Variants in SDK1 observed in about 807,000 individuals in gnomAD.
The protein encoded by SDK1 is protein sidekick-1.
SDK1 carries 157 observed loss-of-function variants against 245.5 expected under a neutral mutation model. The ratio of observed to expected loss-of-function variants is 0.64; its 90% CI spans 0.56 to 0.73. The LOEUF is 0.73. Among genes scored for constraint, SDK1 ranks in the 30% least tolerant of loss-of-function variants. The pLI is 0.00. For missense variants in SDK1, 3,583 were observed against 3,002.3 expected (o/e 1.19, Z -4.52); for synonymous variants, 1,647 against 1,278.5 (o/e 1.29, Z -6.15).
At chr7:3,876,480 C>A (rs1248333790) in intron 5 of SDK1, among the ~76,000 whole-genome samples, 1 of 152,104 alleles carries the variant, frequency 6.6e-6, no homozygotes, top group South Asian at 2.1e-4. Flanking sequence ...TGTCCTCATT[C>A]TCCTAAAATG....
At chr7:3,924,615 G>A (rs1050584473) in intron 5 of SDK1, among the ~76,000 whole-genome samples, 6 of 152,122 alleles carry the variant, frequency 3.9e-5, no homozygotes, top group African/African-American at 9.7e-5. Context: ...GGGACATTTC[G>A]CCAGCTTCCC....
intron 14 of SDK1, among the ~76,000 whole-genome samples, chr7:4,005,617 C>T (rs548519476): frequency 6.6e-6 from 1 of 152,042 alleles, no homozygotes; most frequent in South Asian, 2.1e-4. Context: ...GAAAAAGAGG[C>T]GCAGTAAGAC....
chr7:4,040,555 G>A (rs1379789985), intron 17 of SDK1, among the ~76,000 whole-genome samples: 1 of 152,184 alleles, frequency 6.6e-6, no homozygotes, highest in African/African-American at 2.4e-5. Flanking sequence ...TCCTGCAGAG[G>A]GGTCCGGAGT....
intron 35 of SDK1, among the ~76,000 whole-genome samples, chr7:4,188,700 A>G (rs962118229): frequency 2.0e-5 from 3 of 149,288 alleles, no homozygotes; most frequent in Non-Finnish European, 3.0e-5. Context: ...AGAAAGAAAG[A>G]AAAAAAAAAC....
At chr7:3,626,649 C>T (rs193126703) in intron 2 of SDK1, among the ~76,000 whole-genome samples, 46 of 152,332 alleles carry the variant, frequency 3.0e-4, no homozygotes, top group African/African-American at 9.1e-4. Context: ...CTCCTCCTCA[C>T]CTCTGCTGTG....
At chr7:4,052,303 C>T (rs1402227595) in intron 19 of SDK1, among the ~76,000 whole-genome samples, 2 of 151,768 alleles carry the variant, frequency 1.3e-5, no homozygotes, top group Non-Finnish European at 2.9e-5. Context: ...CTTCTCTGCT[C>T]ACAGGCCAGC....
At chr7:3,979,082 A>G (rs918648960) in intron 13 of SDK1, among the ~76,000 whole-genome samples, 1 of 152,206 alleles carries the variant, frequency 6.6e-6, no homozygotes, top group African/African-American at 2.4e-5. Context: ...AGTGGGGCCA[A>G]TAGGAGCAAA....
At chr7:4,210,575 C>T (rs539301150) in intron 38 of SDK1, among the ~76,000 whole-genome samples, 2 of 152,276 alleles carry the variant, frequency 1.3e-5, no homozygotes, top group South Asian at 2.1e-4. Context: ...CTTCGGCTAC[C>T]CTCAGCATCC....
intron 1 of SDK1, among the ~76,000 whole-genome samples, chr7:3,403,860 T>A (rs1778972487): frequency 8.4e-6 from 1 of 118,810 alleles, no homozygotes; most frequent in Non-Finnish European, 1.7e-5. Context: ...TATATATATA[T>A]ATATATATAA....
chr7:3,628,743 A>G (rs1450564723), intron 2 of SDK1, among the ~76,000 whole-genome samples: 2 of 152,190 alleles, frequency 1.3e-5, no homozygotes, highest in Non-Finnish European at 2.9e-5. Context: ...AACAACTGTA[A>G]AACTGGACAA....
intron 4 of SDK1, among the ~76,000 whole-genome samples, chr7:3,678,509 A>G (rs1475431526): frequency 1.3e-5 from 2 of 152,238 alleles, no homozygotes; most frequent in Admixed American, 6.5e-5. Flanking sequence ...CACTATGCTA[A>G]GTGAAACAAG....
chr7:3,539,245 A>G (rs1778984605), intron 1 of SDK1, among the ~76,000 whole-genome samples: 1 of 152,150 alleles, frequency 6.6e-6, no homozygotes, highest in Admixed American at 6.6e-5. Context: ...GGCTATAAAT[A>G]CTTTTTCCAG....
intron 1 of SDK1, among the ~76,000 whole-genome samples, chr7:3,308,312 T>G (rs1322275730): frequency 6.6e-6 from 1 of 152,190 alleles, no homozygotes; most frequent in Non-Finnish European, 1.5e-5. Flanking sequence ...AATGTTTATA[T>G]TTACTGTACA....
intron 35 of SDK1, among the ~76,000 whole-genome samples, chr7:4,186,295 G>C (rs533661197): frequency 1.3e-5 from 2 of 152,150 alleles, no homozygotes; most frequent in Admixed American, 6.5e-5. Context: ...CGCCAGCCCA[G>C]CTCCCAGGAA....
Position 4,207,072 on chromosome 7 carries a change from G to A in SDK1, c.5215-1027G>A, listed in dbSNP as rs117310956. ...TCAAGTTAGCAAGGCCTGGGCGAGC[G>A]GAAGATCTTAGACGGTCAATTCAGT... is the stretch of plus-strand genomic sequence containing the variant. On this transcript the variant is annotated intron_variant, in intron 36 of 44. Transcript: ENST00000404826. 4.0e-3 allele frequency among the ~76,000 whole-genome samples: 609 copies of A among 152,350 alleles called. 9 individuals are homozygous for A. In the Middle Eastern group the frequency reaches 0.058, roughly 14 times the overall value.
At chr7:3,799,309 A>G (rs1359827623) in intron 4 of SDK1, among the ~76,000 whole-genome samples, 2 of 151,452 alleles carry the variant, frequency 1.3e-5, no homozygotes, top group East Asian at 1.9e-4. Context: ...TTCTATCTCA[A>G]ATTGTGGCAT....
At chr7:3,656,514 G>T (rs1783189915) in intron 4 of SDK1, among the ~76,000 whole-genome samples, 1 of 152,072 alleles carries the variant, frequency 6.6e-6, no homozygotes, top group South Asian at 2.1e-4. Context: ...GGTACTGCTG[G>T]AGTCAAAAAT....
chr7:3,526,903 G>C (rs1439893228), intron 1 of SDK1, among the ~76,000 whole-genome samples: 4 of 152,106 alleles, frequency 2.6e-5, no homozygotes, highest in African/African-American at 9.7e-5. Flanking sequence ...GCTGAGAAAG[G>C]CTTTTTCCTT....
intron 1 of SDK1, among the ~76,000 whole-genome samples, chr7:3,492,823 A>G (rs544924711): frequency 1.3e-5 from 2 of 152,408 alleles, no homozygotes; most frequent in African/African-American, 4.8e-5. Context: ...AACAGAGGAC[A>G]TAAGTTGGCT....
Sources: allele counts gnomAD v4.1 joint callset (sites outside exome capture counted in the v4.1 genomes callset), GRCh38; gene constraint gnomAD v4.1.1; transcripts MANE v1.5; gene names NCBI Gene and HGNC (gene_info 2026-07-23, HGNC 2026-07-21).